Variants in ZMAT4 observed in about 807,000 individuals in gnomAD.
ZMAT4 encodes the protein zinc finger matrin-type 4.
Under a neutral mutation model 28.7 loss-of-function variants are expected in ZMAT4, and 17 were observed. That is an observed-to-expected ratio of 0.59 (90% CI 0.41 to 0.89). The LOEUF (loss-of-function observed/expected upper bound fraction) is 0.89, where lower values mean the gene tolerates loss of function less well. Among genes scored for constraint, ZMAT4 ranks in the 40% least tolerant of loss-of-function variants. ZMAT4 has a pLI of 0.00. For synonymous variants in ZMAT4, 117 were observed against 109.2 expected (o/e 1.07, Z -0.44); for missense variants, 240 against 283.8 (o/e 0.85, Z 1.11).
chr8:40,881,731 G>A (rs1348070352), intron 1 of ZMAT4, among the ~76,000 whole-genome samples: 1 of 152,112 alleles, frequency 6.6e-6, no homozygotes, highest in Non-Finnish European at 1.5e-5. Flanking sequence ...CAAAGCCCAT[G>A]GTATCAGAAC....
chr8:40,611,759 A>G (rs1483631318), intron 5 of ZMAT4, among the ~76,000 whole-genome samples: 1 of 152,226 alleles, frequency 6.6e-6, no homozygotes, highest in Non-Finnish European at 1.5e-5. Flanking sequence ...TCTCATATTC[A>G]TTATTCTGAA....
rs549156649 is a variant in ZMAT4, at chr8:40,804,818, G to GT, written c.102+20756dup. On this transcript the variant is annotated intron_variant, in intron 2 of 6. Transcript: ENST00000297737. ...ATCGGGCCATTGCACTCCAGCCTGG[G>GT]TGACAGAGTGAGACTCTGTCTTAAA... Among the ~76,000 whole-genome samples, 460 of 152,180 alleles carry GT rather than the reference G, an allele frequency of 3.0e-3. 1 individual carries two copies. The highest frequency in any genetic ancestry group is 0.014 in the Middle Eastern group (4 of 294).
At chr8:40,650,924 T>A (rs1807612694) in intron 5 of ZMAT4, among the ~76,000 whole-genome samples, 1 of 151,844 alleles carries the variant, frequency 6.6e-6, no homozygotes, top group Non-Finnish European at 1.5e-5. Context: ...ATGGGACGTA[T>A]CTCAAAATAA....
intron 6 of ZMAT4, among the ~76,000 whole-genome samples, chr8:40,534,600 C>T (rs781761374): frequency 6.6e-6 from 1 of 151,428 alleles, no homozygotes; most frequent in Non-Finnish European, 1.5e-5. Context: ...TCAGATAGCT[C>T]ATCTTCTTTT....
At position 40,767,548 on chromosome 8, in the gene ZMAT4, T is replaced by C. The variant is rs961020538; in HGVS notation, c.192+93A>G. 2.4e-4 allele frequency: 240 copies of C among 1,009,232 alleles called. 2 individuals carry two copies. Among genetic ancestry groups the C allele is most frequent in the Non-Finnish European group, 5.2e-5 (36 of 693,706 alleles). 62.5% of individuals were successfully genotyped at this position (1,009,232 alleles called of 1,614,324 possible). ...TATTTCTACTCACTCAGCTTTTCTA[T>C]GAATCTGGACTAGACTACAATTCCT... On this transcript the variant is annotated intron_variant, in intron 3 of 6. Transcript: ENST00000297737.
chr8:40,562,948 CAT>C (rs1447674365), intron 6 of ZMAT4, among the ~76,000 whole-genome samples: 3 of 152,150 alleles, frequency 2.0e-5, no homozygotes, highest in African/African-American at 7.2e-5. Context: ...GCAGTGTAAA[CAT>C]ATGTGTGTTT....
chr8:40,668,276 C>G (rs1400583024), intron 5 of ZMAT4, among the ~76,000 whole-genome samples: 3 of 151,828 alleles, frequency 2.0e-5, no homozygotes, highest in Non-Finnish European at 2.9e-5. Context: ...TTGGAACCAG[C>G]CTGGCCAACA....
intron 5 of ZMAT4, among the ~76,000 whole-genome samples, chr8:40,624,264 C>T (rs1375294067): frequency 6.6e-6 from 1 of 152,208 alleles, no homozygotes; most frequent in Non-Finnish European, 1.5e-5. Flanking sequence ...AAAGAGATTT[C>T]TCTCTCACTC....
At chr8:40,742,269 A>C (rs984987789) in intron 3 of ZMAT4, among the ~76,000 whole-genome samples, 3 of 151,672 alleles carry the variant, frequency 2.0e-5, no homozygotes, top group African/African-American at 7.3e-5. Context: ...AGAATACAGA[A>C]TATTACTGAT....
At chr8:40,827,199 T>C (rs763460779) in intron 1 of ZMAT4, among the ~76,000 whole-genome samples, 1 of 152,154 alleles carries the variant, frequency 6.6e-6, no homozygotes, top group Non-Finnish European at 1.5e-5. Flanking sequence ...CACTCAATGC[T>C]CCATACCTCA....
At chr8:40,883,400 G>A (rs74717645) in intron 1 of ZMAT4, among the ~76,000 whole-genome samples, 2,884 of 151,962 alleles carry the variant, frequency 0.019, 106 homozygotes, top group African/African-American at 0.066. Context: ...CCCTCTTCCC[G>A]GACTACCTGG....
intron 1 of ZMAT4, among the ~76,000 whole-genome samples, chr8:40,873,164 CTG>C (rs1156744227): frequency 6.6e-6 from 1 of 152,234 alleles, no homozygotes. Flanking sequence ...GAGAAGCCCC[CTG>C]TGTCACCTGA....
rs140852035 is a variant in ZMAT4, at chr8:40,794,550, G to C, written c.103-26820C>G. The stretch of plus-strand genomic sequence containing the variant: ...TACTTGGGCTTGGTGTTGCCTCCCT[G>C]TCTTAGGGATGGGGGAAAGACAACT... On this transcript the variant is annotated intron_variant, in intron 2 of 6. Coordinates refer to ENST00000297737, the MANE Select transcript of ZMAT4 (RefSeq NM_024645.3). 4.0e-3 allele frequency among the ~76,000 whole-genome samples: 613 copies of C among 152,328 alleles called. 1 individual carries two copies. The highest frequency in any genetic ancestry group is 0.014 in the Middle Eastern group (4 of 294).
chr8:40,879,811 C>T (rs1818159373), intron 1 of ZMAT4, among the ~76,000 whole-genome samples: 1 of 152,200 alleles, frequency 6.6e-6, no homozygotes, highest in African/African-American at 2.4e-5. Flanking sequence ...ATTCCATTAG[C>T]CAGTTTGAAG....
chr8:40,654,765 C>A (rs1288473067), intron 5 of ZMAT4, among the ~76,000 whole-genome samples: 2 of 152,008 alleles, frequency 1.3e-5, no homozygotes, highest in Admixed American at 1.3e-4. Context: ...CCCTTTCATG[C>A]TGAAAACACT....
rs1554497992 is a variant in ZMAT4, at chr8:40,881,528, C to CAGAAAGAAACGAGAAAGAA, written c.-5+16154_-5+16155insTTCTTTCTCGTTTCTTTCT. ...AAGGAAGGAAGGGGAGAGAGAGAGA[C>CAGAAAGAAACGAGAAAGAA]AGAAAGAAAGAAAGAAAGAAAGAAA... On this transcript the variant is annotated intron_variant, in intron 1 of 6. Transcript: ENST00000297737. 1.4e-3 allele frequency among the ~76,000 whole-genome samples: 74 copies of CAGAAAGAAACGAGAAAGAA among 51,924 alleles called. 8 individuals are homozygous for CAGAAAGAAACGAGAAAGAA. Among genetic ancestry groups the CAGAAAGAAACGAGAAAGAA allele is most frequent in the Admixed American group, 4.1e-3 (19 of 4,604 alleles). The allele number at this position is 51,924 out of a possible 152,430, so 34.1% of individuals were successfully genotyped here.
At chr8:40,875,057 G>T (rs1284838467) in intron 1 of ZMAT4, among the ~76,000 whole-genome samples, 1 of 152,136 alleles carries the variant, frequency 6.6e-6, no homozygotes, top group Non-Finnish European at 1.5e-5. Context: ...CCTCACCCAG[G>T]AACTGTCCAA....
intron 5 of ZMAT4, among the ~76,000 whole-genome samples, chr8:40,614,749 C>T (rs372861579): frequency 4.6e-5 from 7 of 152,262 alleles, no homozygotes; most frequent in Admixed American, 6.5e-5. Flanking sequence ...GATTGCAACC[C>T]GTGCTGTTTT....
chr8:40,857,536 G>A (rs1817341962), intron 1 of ZMAT4, among the ~76,000 whole-genome samples: 1 of 152,322 alleles, frequency 6.6e-6, no homozygotes, highest in Non-Finnish European at 1.5e-5. Context: ...GTGCTGGGGA[G>A]GAGGCAGAGT....
Sources: allele counts gnomAD v4.1 joint callset (sites outside exome capture counted in the v4.1 genomes callset), GRCh38; gene constraint gnomAD v4.1.1; transcripts MANE v1.5; gene names NCBI Gene and HGNC (gene_info 2026-07-23, HGNC 2026-07-21).